CCDC7: variants seen among roughly 807,000 people sequenced by gnomAD.
CCDC7 encodes the protein coiled-coil domain-containing protein 7.
In CCDC7, 183 loss-of-function variants were observed where a neutral mutation model predicts 196.9. The observed-to-expected ratio is 0.93, with a 90% CI of 0.82 to 1.05. The LOEUF is 1.05. CCDC7 is among the 50% of genes least tolerant of loss of function. The pLI, the probability that CCDC7 is intolerant of heterozygous loss-of-function variation, is 0.00. For missense variants in CCDC7, 1,540 were observed against 1,482.2 expected (o/e 1.04, Z -0.64); for synonymous variants, 525 against 484.6 (o/e 1.08, Z -1.10).
At chr10:32,828,170 C>T (rs1208196034) in intron 32 of CCDC7, among the ~76,000 whole-genome samples, 1 of 152,040 alleles carries the variant, frequency 6.6e-6, no homozygotes, top group African/African-American at 2.4e-5. Flanking sequence ...ACCTGGAAGC[C>T]CAAGCCCCTT....
intron 29 of CCDC7, among the ~76,000 whole-genome samples, chr10:32,793,314 A>G (rs1161279843): frequency 1.3e-5 from 2 of 152,208 alleles, no homozygotes; most frequent in Non-Finnish European, 2.9e-5. Flanking sequence ...GAAGACCCTT[A>G]GGTAGCCAAG....
chr10:32,699,584 G>A lies in CCDC7; in HGVS notation c.2458+4592G>A, dbSNP rs1440787717. ...GTATATACCCAGTAATGGGAGTGCT[G>A]GGTCAAATGGTATTTCTAGTTCTAG... is the stretch of plus-strand genomic sequence containing the variant. On this transcript the variant is annotated intron_variant, in intron 24 of 41. Coordinates refer to ENST00000639629, the Ensembl canonical transcript of CCDC7. 4.7e-5 allele frequency among the ~76,000 whole-genome samples: 7 copies of A among 149,134 alleles called. 1 individual carries two copies. The highest frequency in any genetic ancestry group is 1.6e-4 in the African/African-American group (6 of 38,504).
intron 24 of CCDC7, among the ~76,000 whole-genome samples, chr10:32,710,852 G>A (rs958892391): frequency 2.0e-5 from 3 of 152,174 alleles, no homozygotes; most frequent in Non-Finnish European, 1.5e-5. Flanking sequence ...GATAGCAAGC[G>A]AGATTGAAGG....
chr10:32,452,022 G>A (rs1187196131), intron 1 of CCDC7, 101 bp downstream of exon 2: 23 of 1,403,206 alleles, frequency 1.6e-5, no homozygotes, highest in Admixed American at 6.0e-5. Flanking sequence ...TAGTCATACC[G>A]ATGGCTAAGA....
At chr10:32,445,442 T>C (rs1282377263), upstream of CCDC7, among the ~76,000 whole-genome samples, 2 of 152,238 alleles carry the variant, frequency 1.3e-5, no homozygotes, top group Non-Finnish European at 2.9e-5. Context: ...TTAAACCTCC[T>C]GGTTTTTAGT....
intron 24 of CCDC7, among the ~76,000 whole-genome samples, chr10:32,711,118 G>A (rs1184408692): frequency 6.9e-6 from 1 of 145,026 alleles, no homozygotes; most frequent in African/African-American, 2.8e-5. Context: ...TGTTTCTGGT[G>A]TGTGTGTGTA....
At chr10:32,587,565 A>G (rs1177364822) in intron 18 of CCDC7, among the ~76,000 whole-genome samples, 1 of 152,218 alleles carries the variant, frequency 6.6e-6, no homozygotes, top group African/African-American at 2.4e-5. Flanking sequence ...TTAAGTTTCT[A>G]GTATATGAAC....
chr10:32,680,478 C>G (rs1216907889), intron 21 of CCDC7, among the ~76,000 whole-genome samples: 2 of 151,764 alleles, frequency 1.3e-5, no homozygotes, highest in Non-Finnish European at 2.9e-5. Context: ...ATGTGCACAA[C>G]ATGCAAGTTT....
intron 25 of CCDC7, among the ~76,000 whole-genome samples, chr10:32,718,869 A>G (rs1202883853): frequency 6.6e-6 from 1 of 152,218 alleles, no homozygotes; most frequent in Non-Finnish European, 1.5e-5. Flanking sequence ...CAAGGAAGTA[A>G]GAGAAGAGAT....
chr10:32,674,659 C>G (rs1334377471), intron 21 of CCDC7, among the ~76,000 whole-genome samples: 3 of 151,868 alleles, frequency 2.0e-5, no homozygotes, highest in Non-Finnish European at 1.5e-5. Flanking sequence ...GATGATCTAT[C>G]CATTTTTGAA....
intron 13 of CCDC7, among the ~76,000 whole-genome samples, chr10:32,549,890 A>G (rs536041814): frequency 3.3e-5 from 5 of 152,082 alleles, no homozygotes; most frequent in Admixed American, 6.5e-5. Flanking sequence ...TACTTTGGCT[A>G]TGGGGGCTCT....
At chr10:32,750,535 A>G (rs981623525) in intron 28 of CCDC7, among the ~76,000 whole-genome samples, 5 of 152,200 alleles carry the variant, frequency 3.3e-5, no homozygotes, top group Admixed American at 6.5e-5. Context: ...TGGGAAAGGT[A>G]CATGCCCACT....
intron 21 of CCDC7, among the ~76,000 whole-genome samples, chr10:32,664,630 A>G (rs10159499): frequency 0.11 from 17,305 of 151,914 alleles, 1,181 homozygotes; most frequent in South Asian, 0.27. Flanking sequence ...ATTTAACATT[A>G]TGTTCTCCAC....
chr10:32,749,652 T>C (rs1301796595), intron 28 of CCDC7, among the ~76,000 whole-genome samples: 3 of 152,126 alleles, frequency 2.0e-5, no homozygotes, highest in South Asian at 4.1e-4. Context: ...CAATATATAG[T>C]TTGTCTTTCT....
At chr10:32,572,128 CT>C (rs929913748) in intron 16 of CCDC7, among the ~76,000 whole-genome samples, 22 of 151,906 alleles carry the variant, frequency 1.4e-4, no homozygotes, top group Non-Finnish European at 2.8e-4. Context: ...TAGAAACAAA[CT>C]TTTTTTTCCT....
Position 32,483,814 on chromosome 10 carries a change from G to T in CCDC7, c.797-8108G>T, listed in dbSNP as rs187665762. Among the ~76,000 whole-genome samples the T allele has an allele frequency of 2.0e-3, 307 of 152,202 alleles. 1 individual carries two copies. Among genetic ancestry groups the T allele is most frequent in the East Asian group, 3.1e-3 (16 of 5,176 alleles). On this transcript the variant is annotated intron_variant, in intron 8 of 41. Coordinates refer to ENST00000639629, the Ensembl canonical transcript of CCDC7. ...AAAGATCAGATGGTTTTCGATGTGTGGTATTATTTCCAAGGGCTCTATTCT... is the reference window on the plus strand; with the variant it reads ...AAAGATCAGATGGTTTTCGATGTGTTGTATTATTTCCAAGGGCTCTATTCT...
chr10:32,665,588 G>A (rs1394613646), intron 21 of CCDC7, among the ~76,000 whole-genome samples: 1 of 151,878 alleles, frequency 6.6e-6, no homozygotes. Context: ...GTCTGTTTTT[G>A]TACCAGTACC....
Position 32,845,633 on chromosome 10 carries a change from GA to G in CCDC7, c.3520+11del, listed in dbSNP as rs1466536837. 20 of 1,600,146 alleles carry G rather than the reference GA, an allele frequency of 1.2e-5. No homozygotes were observed. Among genetic ancestry groups the G allele is most frequent in the Non-Finnish European group, 1.7e-5 (20 of 1,168,920 alleles). ...CAATTAAAAAGTCACCCAGGTAAGAGAAAACAATTTCAAGACTAATATTTAT... is the reference window on the plus strand; with the variant it reads ...CAATTAAAAAGTCACCCAGGTAAGAGAAACAATTTCAAGACTAATATTTAT... On this transcript the variant is annotated splice_region_variant and intron_variant, in intron 35 of 41. Coordinates refer to ENST00000639629, the Ensembl canonical transcript of CCDC7.
At chr10:32,521,424 G>A (rs2135595591) in intron 11 of CCDC7, among the ~76,000 whole-genome samples, 1 of 151,990 alleles carries the variant, frequency 6.6e-6, no homozygotes, top group Admixed American at 6.5e-5. Context: ...TCACTTCTTT[G>A]GTTAATACGT....
Sources: allele counts gnomAD v4.1 joint callset (sites outside exome capture counted in the v4.1 genomes callset), GRCh38; gene constraint gnomAD v4.1.1; transcripts MANE v1.5; gene names NCBI Gene and HGNC (gene_info 2026-07-23, HGNC 2026-07-21).